Variants in SCIN observed in about 807,000 individuals in gnomAD.
SCIN encodes the protein scinderin.
Under a neutral mutation model 91.8 loss-of-function variants are expected in SCIN, and 91 were observed. The ratio of observed to expected loss-of-function variants is 0.99; its 90% CI spans 0.84 to 1.18. SCIN has a LOEUF of 1.18. Ranked by LOEUF, SCIN falls within the 50% of genes most tolerant of loss-of-function variation. The pLI is 0.00. For synonymous variants in SCIN, 367 were observed against 312.6 expected (o/e 1.17, Z -1.84); for missense variants, 1,087 against 863.9 (o/e 1.26, Z -3.24).
chr7:12,637,028 T>C (rs954607626), intron 10 of SCIN, among the ~76,000 whole-genome samples: 1 of 152,186 alleles, frequency 6.6e-6, no homozygotes, highest in Non-Finnish European at 1.5e-5. Flanking sequence ...GAAAGGACTA[T>C]AGCCCTGCAA....
intron 10 of SCIN, among the ~76,000 whole-genome samples, chr7:12,639,214 T>A (rs541575469): frequency 1.4e-4 from 21 of 152,356 alleles, no homozygotes; most frequent in Middle Eastern, 3.4e-3. Flanking sequence ...TCTCTTTCTC[T>A]CATGTTGGCA....
At chr7:12,596,569 C>T (rs1782846642) in intron 3 of SCIN, 4 of 403,452 alleles carry the variant, frequency 9.9e-6, no homozygotes, top group Admixed American at 2.7e-5. Flanking sequence ...CTCATGCCTG[C>T]GTAACTACCT....
intron 1 of SCIN, among the ~76,000 whole-genome samples, chr7:12,572,462 C>G (rs1456116033): frequency 1.3e-5 from 2 of 152,196 alleles, no homozygotes; most frequent in African/African-American, 4.8e-5. Flanking sequence ...GAACTTAAAT[C>G]TAGCATGAAT....
At chr7:12,599,195 A>G (rs767214695) in intron 3 of SCIN, among the ~76,000 whole-genome samples, 5 of 152,208 alleles carry the variant, frequency 3.3e-5, no homozygotes, top group Non-Finnish European at 7.3e-5. Context: ...TTTGAGGTAA[A>G]AAGAAAACTT....
chr7:12,617,984 A>T (rs906022321), intron 4 of SCIN, among the ~76,000 whole-genome samples: 2 of 151,970 alleles, frequency 1.3e-5, no homozygotes, highest in African/African-American at 4.8e-5. Flanking sequence ...TTTCCATATT[A>T]TAGTAACTTT....
chr7:12,648,021 C>A (rs980243251), intron 13 of SCIN, among the ~76,000 whole-genome samples: 1 of 152,094 alleles, frequency 6.6e-6, no homozygotes, highest in African/African-American at 2.4e-5. Flanking sequence ...GAACCATAAT[C>A]CAAACTCCTG....
intron 1 of SCIN, chr7:12,571,638 TAC>T (rs1320571301): frequency 6.6e-6 from 3 of 455,170 alleles, no homozygotes; most frequent in Non-Finnish European, 1.3e-5. Flanking sequence ...AAGAAAAAAA[TAC>T]AGATATTTTA....
intron 3 of SCIN, among the ~76,000 whole-genome samples, chr7:12,601,959 C>T (rs1247917212): frequency 6.6e-6 from 1 of 152,234 alleles, no homozygotes; most frequent in South Asian, 2.1e-4. Context: ...TATTGATGGG[C>T]ATTTGTTTTG....
At chr7:12,582,605 C>A (rs1368450664) in intron 3 of SCIN, among the ~76,000 whole-genome samples, 2 of 152,128 alleles carry the variant, frequency 1.3e-5, no homozygotes, top group African/African-American at 4.8e-5. Flanking sequence ...ATGGCAGTAC[C>A]TTTGCCCTGA....
intron 4 of SCIN, 69 bp downstream of exon 4, chr7:12,604,732 G>GTA (rs2115250318): frequency 7.2e-7 from 1 of 1,394,632 alleles, no homozygotes; most frequent in South Asian, 1.4e-5. Flanking sequence ...TGGTGTGTGT[G>GTA]TGTGTGTAAG....
rs374556192 is a variant in SCIN at position 12,654,965 on chromosome 7, G to C, written c.*2250G>C. The C allele has an allele frequency of 3.3e-4, 50 of 152,250 alleles. No individual in the cohort carries two copies. The highest frequency in any genetic ancestry group is 1.1e-3 in the African/African-American group (45 of 41,554). 9.4% of individuals were successfully genotyped at this position (152,250 alleles called of 1,614,324 possible). A position where few individuals can be genotyped will look rare whatever the true frequency, so the allele number is the denominator to read the frequency against. Reference sequence around the variant, plus strand: ...TCATGAAGCATAAAATTAAAAATATGATACATTCACTACATGAAAATATGA... The same window carrying C: ...TCATGAAGCATAAAATTAAAAATATCATACATTCACTACATGAAAATATGA... On this transcript the variant is annotated 3_prime_UTR_variant, in exon 16 of 16. Transcript: ENST00000297029.
intron 10 of SCIN, among the ~76,000 whole-genome samples, chr7:12,639,641 C>CT (rs796531198): frequency 7.7e-4 from 116 of 149,766 alleles, no homozygotes; most frequent in African/African-American, 2.6e-3. Context: ...AATAATTTCC[C>CT]TTTTTTTTTC....
intron 10 of SCIN, among the ~76,000 whole-genome samples, chr7:12,637,891 A>G (rs1757536257): frequency 6.6e-6 from 1 of 152,168 alleles, no homozygotes; most frequent in Non-Finnish European, 1.5e-5. Context: ...AGGGACAGGA[A>G]GAGATAATAT....
At chr7:12,628,272 T>C (rs1231912982) in intron 8 of SCIN, among the ~76,000 whole-genome samples, 1 of 152,032 alleles carries the variant, frequency 6.6e-6, no homozygotes, top group Admixed American at 6.6e-5. Flanking sequence ...AAAACAGAAG[T>C]CATATTATTG....
intron 5 of SCIN, among the ~76,000 whole-genome samples, chr7:12,623,724 T>C (rs913437088): frequency 1.3e-5 from 2 of 152,200 alleles, no homozygotes; most frequent in Non-Finnish European, 2.9e-5. Context: ...TTTGCTGCTC[T>C]TTAAGGGATT....
intron 10 of SCIN, among the ~76,000 whole-genome samples, chr7:12,639,799 C>G (rs1302241867): frequency 6.6e-6 from 1 of 151,912 alleles, no homozygotes; most frequent in African/African-American, 2.4e-5. Context: ...GCATAGCAAT[C>G]TTTGTGTGTG....
intron 9 of SCIN, among the ~76,000 whole-genome samples, chr7:12,634,389 G>A (rs1783705833): frequency 6.6e-6 from 1 of 151,932 alleles, no homozygotes; most frequent in Non-Finnish European, 1.5e-5. Flanking sequence ...GGAGGCTGAG[G>A]CAGGAGAATC....
At position 12,621,637 on chromosome 7, in the gene SCIN, G is replaced by GTTTT. The variant is rs60697843; in HGVS notation, c.667-1147_667-1144dup. Among the ~76,000 whole-genome samples, 686 of 106,270 alleles carry GTTTT rather than the reference G, an allele frequency of 6.5e-3. 4 individuals carry two copies. Among genetic ancestry groups the GTTTT allele is most frequent in the African/African-American group, 0.014 (381 of 27,824 alleles). 69.7% of individuals were successfully genotyped at this position (106,270 alleles called of 152,430 possible). ...AAAGCTTTTGGTCACAAGTGTTTTAGTTTTTTTTTTTTTTTTTTTTGCTTG... is the reference window on the plus strand; with the variant it reads ...AAAGCTTTTGGTCACAAGTGTTTTAGTTTTTTTTTTTTTTTTTTTTTTTTGCTTG... On this transcript the variant is annotated intron_variant, in intron 4 of 15. Coordinates refer to ENST00000297029, the MANE Select transcript of SCIN (RefSeq NM_001112706.3).
rs1474863934 is a variant in SCIN at position 12,578,090 on chromosome 7, A to G, written c.226A>G (p.Thr76Ala). 1.9e-6 allele frequency: 3 copies of G among 1,547,436 alleles called. No homozygotes were observed. Among genetic ancestry groups the G allele is most frequent in the Non-Finnish European group, 2.6e-6 (3 of 1,145,186 alleles). ...LGKECSQDES[T>A]AAAIFTVQMD... ...AAAGGAGTGTTCCCAGGATGAAAGC[A>G]CAGCTGCTGCCATCTTCACTGTTCA... Residue 76 changes from threonine to alanine, a missense_variant, in exon 2 of 16, where the codon ACA becomes GCA. By Grantham distance (58) the Thr-to-Ala change is moderately conservative. Coordinates refer to ENST00000297029, the MANE Select transcript of SCIN (RefSeq NM_001112706.3).
Sources: gnomAD v4.1 joint callset for allele counts (sites outside exome capture counted in the v4.1 genomes callset) on GRCh38, gnomAD v4.1.1 for gene constraint, MANE v1.5 for transcripts, NCBI Gene and HGNC (gene_info 2026-07-23, HGNC 2026-07-21) for gene names.